Variants in IMMP2L observed in about 807,000 individuals in gnomAD.
IMMP2L encodes inner mitochondrial membrane peptidase subunit 2.
A neutral mutation model predicts 19.3 loss-of-function variants in IMMP2L; 18 were observed. That is an observed-to-expected ratio of 0.93 (90% CI 0.64 to 1.38). The LOEUF is 1.38. IMMP2L is among the 40% of genes most tolerant of loss of function. The pLI, the probability that IMMP2L is intolerant of heterozygous loss-of-function variation, is 0.00. For synonymous variants in IMMP2L, 76 were observed against 73.0 expected (o/e 1.04, Z -0.21); for missense variants, 233 against 218.2 (o/e 1.07, Z -0.43).
intron 3 of IMMP2L, among the ~76,000 whole-genome samples, chr7:111,479,372 A>C (rs1374476330): frequency 1.3e-5 from 2 of 152,140 alleles, no homozygotes; most frequent in East Asian, 3.8e-4. Flanking sequence ...TGTAGGCCTT[A>C]GTTTGAAATA....
rs149714139 is a variant in IMMP2L at position 110,757,707 on chromosome 7, C to G, written c.409-93986G>C. On this transcript the variant is annotated intron_variant, in intron 5 of 5. Coordinates refer to ENST00000405709, the MANE Select transcript of IMMP2L (RefSeq NM_032549.4). This position sits in a 1 kb window ranked among gnomAD's most constrained non-coding sequence, Gnocchi z 4.2. ...TCAGGCCTGGGATATGCATATCCTT[C>G]CTAGACTCCCTCTGCTCCCTGCCCA... Among the ~76,000 whole-genome samples the G allele has an allele frequency of 4.4e-3, 675 of 152,234 alleles. No individual in the cohort carries two copies. Among genetic ancestry groups the G allele is most frequent in the Non-Finnish European group, 6.4e-3 (432 of 68,004 alleles).
intron 3 of IMMP2L, among the ~76,000 whole-genome samples, chr7:111,339,488 AG>A (rs2130772650): frequency 6.6e-6 from 1 of 152,174 alleles, no homozygotes; most frequent in Non-Finnish European, 1.5e-5. Context: ...CATTAGCTCT[AG>A]GAAGAACCAG....
At chr7:111,162,541 C>T (rs1172347610) in intron 3 of IMMP2L, among the ~76,000 whole-genome samples, 1 of 152,026 alleles carries the variant, frequency 6.6e-6, no homozygotes, top group Non-Finnish European at 1.5e-5. Flanking sequence ...GGCATATCCT[C>T]CACAGGGATT....
chr7:111,486,112 T>C (rs1335276220), intron 3 of IMMP2L, among the ~76,000 whole-genome samples: 1 of 152,202 alleles, frequency 6.6e-6, no homozygotes, highest in East Asian at 1.9e-4. Context: ...CAGGTTAATA[T>C]TTTTAAAAGC....
chr7:110,845,668 C>T (rs1232443704), intron 5 of IMMP2L, among the ~76,000 whole-genome samples: 2 of 152,034 alleles, frequency 1.3e-5, no homozygotes, highest in African/African-American at 4.8e-5. Flanking sequence ...AGTGCTTGAT[C>T]GGACTGTCTA....
intron 5 of IMMP2L, among the ~76,000 whole-genome samples, chr7:110,854,167 T>C (rs1360349902): frequency 2.6e-5 from 4 of 151,990 alleles, no homozygotes; most frequent in Non-Finnish European, 5.9e-5. Context: ...TTGTATGTAA[T>C]ACAACCATAA....
chr7:110,678,252 T>G (rs1470386149), intron 5 of IMMP2L, among the ~76,000 whole-genome samples: 1 of 152,142 alleles, frequency 6.6e-6, no homozygotes, highest in African/African-American at 2.4e-5. Flanking sequence ...TACTTCTGGC[T>G]GCAGAAATAT....
At chr7:111,498,674 T>C (rs979435754) in intron 2 of IMMP2L, among the ~76,000 whole-genome samples, 3 of 152,174 alleles carry the variant, frequency 2.0e-5, no homozygotes, top group African/African-American at 7.2e-5. Context: ...GGTGTAGCAA[T>C]CTATTCACAT....
chr7:111,478,277 T>A (rs1377091583), intron 3 of IMMP2L, among the ~76,000 whole-genome samples: 1 of 152,194 alleles, frequency 6.6e-6, no homozygotes, highest in South Asian at 2.1e-4. Context: ...ATCTATTGAG[T>A]TCTTCATTTC....
rs10530563 is a variant in IMMP2L, at chr7:111,228,966, C to CGTGT, written c.239+258268_239+258271dup. Among the ~76,000 whole-genome samples the CGTGT allele has an allele frequency of 7.2e-3, 1,042 of 144,044 alleles. 9 individuals carry two copies. Among genetic ancestry groups the CGTGT allele is most frequent in the African/African-American group, 0.015 (600 of 39,192 alleles). The allele number at this position is 144,044 out of a possible 152,430, so 94.5% of individuals were successfully genotyped here. ...GGTAATTCAATAAACACTAGCAATG[C>CGTGT]GTGTGTGTGTGTGTGTGTGTGTGTG... is the stretch of plus-strand genomic sequence containing the variant. On this transcript the variant is annotated intron_variant, in intron 3 of 5. Coordinates refer to ENST00000405709, the MANE Select transcript of IMMP2L (RefSeq NM_032549.4).
intron 3 of IMMP2L, among the ~76,000 whole-genome samples, chr7:111,100,940 C>A (rs1385922818): frequency 6.6e-6 from 1 of 151,458 alleles, no homozygotes; most frequent in South Asian, 2.1e-4. Flanking sequence ...TATTTGAAAA[C>A]TTTTAAATAT....
At chr7:111,183,239 G>T (rs762562398) in intron 3 of IMMP2L, among the ~76,000 whole-genome samples, 1 of 151,932 alleles carries the variant, frequency 6.6e-6, no homozygotes, top group African/African-American at 2.4e-5. Context: ...AAATTATGTC[G>T]ATAAAATATC....
intron 3 of IMMP2L, among the ~76,000 whole-genome samples, chr7:111,367,350 C>T (rs149397811): frequency 2.6e-5 from 4 of 151,824 alleles, no homozygotes; most frequent in East Asian, 1.9e-4. Flanking sequence ...TAGGTATTTC[C>T]GGAGTAACAA....
chr7:110,732,197 C>G (rs2085713569), intron 5 of IMMP2L, among the ~76,000 whole-genome samples: 1 of 152,094 alleles, frequency 6.6e-6, no homozygotes, highest in African/African-American at 2.4e-5. Flanking sequence ...GCTGAAGAGG[C>G]AACAAGGGAC....
chr7:111,464,633 C>A (rs909709829), intron 3 of IMMP2L, among the ~76,000 whole-genome samples: 18 of 152,108 alleles, frequency 1.2e-4, no homozygotes, highest in African/African-American at 4.3e-4. Context: ...GTTCTATGAG[C>A]ATTAGCTGCT....
intron 3 of IMMP2L, among the ~76,000 whole-genome samples, chr7:110,972,483 A>G: frequency 6.6e-6 from 1 of 152,066 alleles, no homozygotes; most frequent in Non-Finnish European, 1.5e-5. Context: ...GATAAACTAC[A>G]TGGAGCTATA....
At chr7:110,922,678 A>T (rs2129550663) in intron 4 of IMMP2L, among the ~76,000 whole-genome samples, 1 of 152,300 alleles carries the variant, frequency 6.6e-6, no homozygotes, top group South Asian at 2.1e-4. Context: ...GATTAGAAAG[A>T]TTCTGATCCA....
chr7:111,250,515 C>T (rs967827896), intron 3 of IMMP2L, among the ~76,000 whole-genome samples: 1 of 151,994 alleles, frequency 6.6e-6, no homozygotes, highest in Non-Finnish European at 1.5e-5. Flanking sequence ...TACAAGGCTA[C>T]ACAGTAACCA....
intron 3 of IMMP2L, among the ~76,000 whole-genome samples, chr7:111,076,041 T>C (rs1795379294): frequency 1.3e-5 from 2 of 152,232 alleles, no homozygotes; most frequent in African/African-American, 4.8e-5. Flanking sequence ...TCATAGATCC[T>C]TCCAATAATA....
Sources: gnomAD v4.1 joint callset for allele counts (sites outside exome capture counted in the v4.1 genomes callset) on GRCh38, gnomAD v4.1.1 for gene constraint, Gnocchi (gnomAD v3.1) non-coding constraint, MANE v1.5 for transcripts, NCBI Gene and HGNC (gene_info 2026-07-23, HGNC 2026-07-21) for gene names.